Variants in PPIF observed in about 807,000 individuals in gnomAD.
PPIF encodes peptidylprolyl isomerase F, also known as peptidyl-prolyl cis-trans isomerase F, mitochondrial.
PPIF carries 23 observed loss-of-function variants against 20.2 expected under a neutral mutation model. The observed-to-expected ratio is 1.14, with a 90% CI of 0.82 to 1.61. The LOEUF (loss-of-function observed/expected upper bound fraction) is 1.61. PPIF is among the 40% of genes most tolerant of loss of function. PPIF has a pLI of 0.00. For synonymous variants in PPIF, 113 were observed against 123.1 expected (o/e 0.92, Z 0.54); for missense variants, 287 against 291.6 (o/e 0.98, Z 0.11).
At chr10:79,349,860 G>A in intron 3 of PPIF, 107 bp downstream of exon 3, 1 of 1,543,528 alleles carries the variant, frequency 6.5e-7, no homozygotes, top group Non-Finnish European at 8.8e-7. Flanking sequence ...AGCTGCAGTT[G>A]CTCTGTCAGC....
chr10:79,349,777 A>AG (rs1255414360), intron 3 of PPIF, 24 bp downstream of exon 3: 2 of 1,613,516 alleles, frequency 1.2e-6, no homozygotes, highest in East Asian at 2.2e-5. Flanking sequence ...CTCTTCTGTA[A>AG]GGGGGGATGA....
rs1856030823 is a variant in PPIF, at chr10:79,355,012, A to T, written c.*1170A>T. ...TAGTTTGAATATTTGTCCCCAGCCA[A>T]ATCTCATGTTGAACTGTAATCCCCA... is the stretch of plus-strand genomic sequence containing the variant. On this transcript the variant is annotated 3_prime_UTR_variant, in exon 6 of 6. Transcript: ENST00000225174. 1 of 152,334 alleles carries T rather than the reference A, an allele frequency of 6.6e-6. No individual in the cohort carries two copies. Among genetic ancestry groups the T allele is most frequent in the Non-Finnish European group, 1.5e-5 (1 of 68,056 alleles). 9.4% of individuals were successfully genotyped at this position (152,334 alleles called of 1,614,324 possible).
intron 2 of PPIF, 108 bp downstream of exon 2, chr10:79,349,214 G>C: frequency 6.2e-7 from 1 of 1,603,726 alleles, no homozygotes; most frequent in Non-Finnish European, 8.5e-7. Context: ...ACCCCTGACA[G>C]ATGGGAGCTC....
chr10:79,353,596 G>C, intron 5 of PPIF, 111 bp from the exon 6 acceptor site: 2 of 1,574,908 alleles, frequency 1.3e-6, no homozygotes, highest in Non-Finnish European at 1.7e-6. Flanking sequence ...GCTATTCCAT[G>C]GGGATTCTTT....
At chr10:79,352,487 G>A in intron 5 of PPIF, 95 bp downstream of exon 5, 2 of 1,314,868 alleles carry the variant, frequency 1.5e-6, no homozygotes, top group Non-Finnish European at 1.1e-6. Flanking sequence ...TTACAGCCAG[G>A]CCTTCTGCTC....
intron 1 of PPIF, among the ~76,000 whole-genome samples, chr10:79,348,359 C>T (rs952029012): frequency 6.6e-6 from 1 of 152,190 alleles, no homozygotes; most frequent in African/African-American, 2.4e-5. Flanking sequence ...CTGCCACTGT[C>T]CTTGGGGGCC....
intron 2 of PPIF, 74 bp downstream of exon 2, chr10:79,349,180 G>A: frequency 6.2e-7 from 1 of 1,612,336 alleles, no homozygotes; most frequent in Non-Finnish European, 8.5e-7. Flanking sequence ...TGGGTGGCGT[G>A]ATGAGAAGAG....
intron 5 of PPIF, 76 bp downstream of exon 5, chr10:79,352,468 G>A: frequency 1.3e-6 from 2 of 1,484,442 alleles, no homozygotes; most frequent in Non-Finnish European, 1.9e-6. Flanking sequence ...ACTTTTAGGG[G>A]CAGGCAGTTT....
At position 79,347,487 on chromosome 10, in the gene PPIF, G is replaced by T. The variant is rs1855911520; in HGVS notation, c.-62G>T. 8.0e-7 allele frequency: 1 copy of T among 1,252,348 alleles called. No individual in the cohort carries two copies. Among genetic ancestry groups the T allele is most frequent in the Non-Finnish European group, 1.0e-6 (1 of 999,168 alleles). The allele number at this position is 1,252,348 out of a possible 1,614,324, so 77.6% of individuals were successfully genotyped here. A position where few individuals can be genotyped will look rare whatever the true frequency, so the allele number is the denominator to read the frequency against. ...GCGCGGGACTCGGCCTTCTGGGCGCGCGCGACGTCAGTTTGAGTTCTGTGT... is the reference window on the plus strand; with the variant it reads ...GCGCGGGACTCGGCCTTCTGGGCGCTCGCGACGTCAGTTTGAGTTCTGTGT... On this transcript the variant is annotated 5_prime_UTR_variant, in exon 1 of 6. Coordinates refer to ENST00000225174, the MANE Select transcript of PPIF (RefSeq NM_005729.4).
chr10:79,351,819 A>C, intron 4 of PPIF: 1 of 488,394 alleles, frequency 2.0e-6, no homozygotes, highest in Non-Finnish European at 3.6e-6. Flanking sequence ...AAGAACCTTT[A>C]AGCAGAATGG....
rs1458412752 is a variant in PPIF, at chr10:79,352,346, A to G, written c.442A>G (p.Asn148Asp). The stretch of plus-strand genomic sequence containing the variant: ...CCTGTCCATGGCTAATGCTGGTCCT[A>G]ACACCAACGGCTCCCAGTTCTTCAT... ...GVLSMANAGP[N>D]TNGSQFFICT... is the part of the protein sequence containing the mutation. The change falls in exon 5 of 6, where the codon AAC becomes GAC. Residue 148 changes from asparagine to aspartate, a missense_variant. Coordinates refer to ENST00000225174, the MANE Select transcript of PPIF (RefSeq NM_005729.4). The G allele has an allele frequency of 1.9e-6, 3 of 1,614,008 alleles. No homozygotes were observed. The African/African-American group carries it at 4.0e-5, about 22-fold the overall frequency.
At chr10:79,352,049 G>A (rs1855989004) in intron 4 of PPIF, among the ~76,000 whole-genome samples, 1 of 151,958 alleles carries the variant, frequency 6.6e-6, no homozygotes, top group South Asian at 2.1e-4. Flanking sequence ...GTCAGGTCCT[G>A]GGGTCCTGCC....
chr10:79,353,638 T>C, intron 5 of PPIF, 69 bp from the exon 6 acceptor site: 3 of 1,611,172 alleles, frequency 1.9e-6, no homozygotes, highest in South Asian at 2.2e-5. Context: ...ACTAATTCCA[T>C]GACCAGGTCC....
Position 79,349,770 on chromosome 10 carries a change from T to C in PPIF, c.315+17T>C. ...ATGTGCCAGGTAATGTAGTTTCCTCTTCTGTAAGGGGGGATGAGAGCAGGA... is the reference window on the plus strand; with the variant it reads ...ATGTGCCAGGTAATGTAGTTTCCTCCTCTGTAAGGGGGGATGAGAGCAGGA... On this transcript the variant is annotated intron_variant, in intron 3 of 5. Transcript: ENST00000225174. The C allele has an allele frequency of 6.2e-7, 1 of 1,613,788 alleles. No homozygotes were observed. The highest frequency in any genetic ancestry group is 1.1e-5 in the South Asian group (1 of 91,062).
intron 1 of PPIF, 133 bp from the exon 2 acceptor site, chr10:79,348,943 T>C: frequency 6.3e-7 from 1 of 1,594,482 alleles, no homozygotes; most frequent in Non-Finnish European, 8.6e-7. Context: ...TTGGCAATAA[T>C]GGGAATGGAA....
In PPIF at chr10:79,354,287, G is replaced by A. The variant is rs960079304; in HGVS notation, c.*445G>A. On this transcript the variant is annotated 3_prime_UTR_variant, in exon 6 of 6. Coordinates refer to ENST00000225174, the MANE Select transcript of PPIF (RefSeq NM_005729.4). ...AACAAGATTGACTAGAAGTGAAACTGCAACACTAACTTCCCCGTGCTGTGG... is the reference window on the plus strand; with the variant it reads ...AACAAGATTGACTAGAAGTGAAACTACAACACTAACTTCCCCGTGCTGTGG... The A allele has an allele frequency of 1.2e-5, 2 of 172,830 alleles. No individual in the cohort carries two copies. The highest frequency in any genetic ancestry group is 2.5e-4 in the South Asian group (2 of 7,972). The allele number at this position is 172,830 out of a possible 1,614,324, so 10.7% of individuals were successfully genotyped here.
At chr10:79,351,112 G>T (rs970517811) in intron 3 of PPIF, among the ~76,000 whole-genome samples, 2 of 152,208 alleles carry the variant, frequency 1.3e-5, no homozygotes, top group Non-Finnish European at 1.5e-5. Context: ...CCACAGACTA[G>T]ACTCGGGAAC....
chr10:79,350,698 G>A (rs1298883563), intron 3 of PPIF, among the ~76,000 whole-genome samples: 1 of 152,242 alleles, frequency 6.6e-6, no homozygotes, highest in East Asian at 1.9e-4. Context: ...CTGGCACAAG[G>A]CGGTGGCACC....
At position 79,352,332 on chromosome 10, in the gene PPIF, C is replaced by G; in HGVS notation, c.428C>G (p.Ala143Gly). 6.2e-7 allele frequency: 1 copy of G among 1,614,168 alleles called. No individual in the cohort carries two copies. Among genetic ancestry groups the G allele is most frequent in the Middle Eastern group, 1.6e-4 (1 of 6,062 alleles). The part of the protein sequence containing the change: ...KHVGPGVLSM[A>G]NAGPNTNGSQ... ...GTTTTTGCAGGTGTCCTGTCCATGG[C>G]TAATGCTGGTCCTAACACCAACGGC... Residue 143 changes from alanine to glycine, a missense_variant, in exon 5 of 6, where the codon GCT (alanine) becomes GGT (glycine). Ala to Gly is a moderately conservative substitution (Grantham distance 60). Transcript: ENST00000225174.
Sources: gnomAD v4.1 joint callset for allele counts (sites outside exome capture counted in the v4.1 genomes callset) on GRCh38, gnomAD v4.1.1 for gene constraint, MANE v1.5 for transcripts, NCBI Gene and HGNC (gene_info 2026-07-23, HGNC 2026-07-21) for gene names.